Variants in CERS5 observed in about 807,000 individuals in gnomAD.
CERS5 encodes the protein ceramide synthase 5, also known as LAG1 homolog, ceramide synthase 5.
CERS5 carries 37 observed loss-of-function variants against 58.9 expected under a neutral mutation model. The observed-to-expected ratio is 0.63, with a 90% CI of 0.48 to 0.83. The LOEUF (loss-of-function observed/expected upper bound fraction) is 0.83, where lower values mean the gene tolerates loss of function less well. Ranked by LOEUF, CERS5 falls within the 40% of genes least tolerant of loss-of-function variation. CERS5 has a pLI of 0.00. For synonymous variants in CERS5, 147 were observed against 177.8 expected, an observed-to-expected ratio of 0.83 and a Z score of 1.38; for missense variants, 398 against 489.3, an observed-to-expected ratio of 0.81 and a Z score of 1.76.
intron 1 of CERS5, among the ~76,000 whole-genome samples, chr12:50,152,042 T>C (rs1157886568): frequency 6.6e-6 from 1 of 152,182 alleles, no homozygotes; most frequent in Non-Finnish European, 1.5e-5. Flanking sequence ...AAACATGGTG[T>C]TTCCTCAGGG....
At chr12:50,158,451 G>A (rs1421596640) in intron 1 of CERS5, among the ~76,000 whole-genome samples, 1 of 152,040 alleles carries the variant, frequency 6.6e-6, no homozygotes, top group East Asian at 1.9e-4. Flanking sequence ...ATCACATATA[G>A]TTTGATATGA....
chr12:50,138,641 G>A, intron 4 of CERS5, 24 bp from the exon 5 acceptor site: 1 of 1,604,290 alleles, frequency 6.2e-7, no homozygotes, highest in Admixed American at 1.7e-5. Flanking sequence ...GATAATCCAT[G>A]TCAGTCCTCA....
At chr12:50,139,725 A>T (rs1951864999) in intron 4 of CERS5, among the ~76,000 whole-genome samples, 1 of 152,010 alleles carries the variant, frequency 6.6e-6, no homozygotes, top group Non-Finnish European at 1.5e-5. Context: ...CCCAGGAGGC[A>T]GAGGTTGCAG....
At chr12:50,140,422 T>C (rs1261194639) in intron 4 of CERS5, among the ~76,000 whole-genome samples, 2 of 151,768 alleles carry the variant, frequency 1.3e-5, no homozygotes, top group African/African-American at 4.9e-5. Context: ...CAGTTGGGAT[T>C]ATAGGCACGT....
intron 1 of CERS5, among the ~76,000 whole-genome samples, chr12:50,146,644 G>C (rs2138128713): frequency 6.6e-6 from 1 of 152,224 alleles, no homozygotes; most frequent in Middle Eastern, 3.4e-3. Context: ...CGGATCACGA[G>C]GTCAGGAGAT....
intron 1 of CERS5, among the ~76,000 whole-genome samples, chr12:50,150,143 A>G (rs1412837444): frequency 6.6e-6 from 1 of 152,202 alleles, no homozygotes. Context: ...AGACATATAA[A>G]AAGAACAGGA....
At chr12:50,155,284 AC>A (rs1378425095) in intron 1 of CERS5, among the ~76,000 whole-genome samples, 1 of 152,192 alleles carries the variant, frequency 6.6e-6, no homozygotes, top group East Asian at 1.9e-4. Flanking sequence ...ATCCCTGAGA[AC>A]AAAAAGTTAC....
chr12:50,131,571 A>G (rs1341870305), intron 9 of CERS5, among the ~76,000 whole-genome samples: 1 of 124,926 alleles, frequency 8.0e-6, no homozygotes, highest in Non-Finnish European at 1.7e-5. Context: ...AAAAAAAAAA[A>G]AAAAAAGAAA....
chr12:50,164,100 C>T (rs889863066), intron 1 of CERS5, among the ~76,000 whole-genome samples: 1 of 151,690 alleles, frequency 6.6e-6, no homozygotes, highest in Non-Finnish European at 1.5e-5. Context: ...GCTGGGATTA[C>T]AGGCATGTAC....
intron 1 of CERS5, chr12:50,153,822 C>T (rs1041225456): frequency 1.2e-5 from 5 of 401,890 alleles, no homozygotes; most frequent in South Asian, 3.5e-5. Context: ...GGCGTGATGG[C>T]GCATACCCAT....
chr12:50,138,420 A>G, intron 5 of CERS5, 147 bp downstream of exon 5: 1 of 683,696 alleles, frequency 1.5e-6, no homozygotes, highest in Non-Finnish European at 2.6e-6. Flanking sequence ...AAAAATAGAT[A>G]CCCTGAATAT....
intron 1 of CERS5, among the ~76,000 whole-genome samples, chr12:50,153,589 T>C (rs961614385): frequency 1.3e-5 from 2 of 151,912 alleles, no homozygotes; most frequent in Non-Finnish European, 2.9e-5. Flanking sequence ...ATGTCACATA[T>C]TGACATGTGG....
rs149312950 is a variant in CERS5 at position 50,146,423 on chromosome 12, T to C, written c.198-2366A>G. On this transcript the variant is annotated intron_variant, in intron 1 of 9. Transcript: ENST00000317551. ...TCTGCTCACCTCGGTGAAGCCAATTTTAAAATTACTATTATCTGGATCATG... is the reference window on the plus strand; with the variant it reads ...TCTGCTCACCTCGGTGAAGCCAATTCTAAAATTACTATTATCTGGATCATG... 6.0e-4 allele frequency among the ~76,000 whole-genome samples: 92 copies of C among 152,290 alleles called. No individual in the cohort carries two copies. The East Asian group carries it at 0.014, about 24-fold the overall frequency.
chr12:50,144,956 A>G lies in CERS5; in HGVS notation c.198-899T>C, dbSNP rs1201457840. ...GGAGACCAGCCTGGTCAACATAGTG[A>G]AACCCCGTCTCTACTAAAAATACAA... On this transcript the variant is annotated intron_variant, in intron 1 of 9. Coordinates refer to ENST00000317551, the MANE Select transcript of CERS5 (RefSeq NM_147190.5). 4 of 377,930 alleles carry G rather than the reference A, an allele frequency of 1.1e-5. No homozygotes were observed. The Admixed American group carries it at 1.2e-4, about 11-fold the overall frequency. The allele number at this position is 377,930 out of a possible 1,614,324, so 23.4% of individuals were successfully genotyped here.
At chr12:50,156,345 A>G (rs1297901310) in intron 1 of CERS5, among the ~76,000 whole-genome samples, 2 of 147,312 alleles carry the variant, frequency 1.4e-5, no homozygotes, top group Non-Finnish European at 3.0e-5. Flanking sequence ...CAGAGCTTGC[A>G]GTGAGCCAAC....
intron 1 of CERS5, among the ~76,000 whole-genome samples, chr12:50,147,736 G>A (rs1952373853): frequency 1.3e-5 from 2 of 152,048 alleles, no homozygotes; most frequent in African/African-American, 4.8e-5. Context: ...ACAGTTTTTT[G>A]TTTTGGAAAA....
chr12:50,133,593 C>T (rs1951454212), intron 9 of CERS5: 1 of 985,094 alleles, frequency 1.0e-6, no homozygotes, highest in Non-Finnish European at 1.2e-6. Flanking sequence ...ATATGATTTC[C>T]TTTGAAAAGG....
rs1350865444 is a variant in CERS5, at chr12:50,167,339, T to A, written c.-42A>T. ...AGCCACCGCCGCCACAAGCGTCAGC[T>A]GCCGCCACAGCCAACGGAACCCGCG... On this transcript the variant is annotated 5_prime_UTR_variant, in exon 1 of 10. Coordinates refer to ENST00000317551, the MANE Select transcript of CERS5 (RefSeq NM_147190.5). The A allele has an allele frequency of 6.9e-7, 1 of 1,459,650 alleles. No homozygotes were observed. The highest frequency in any genetic ancestry group is 1.4e-5 in the South Asian group (1 of 71,190). The allele number at this position is 1,459,650 out of a possible 1,614,324, so 90.4% of individuals were successfully genotyped here.
intron 1 of CERS5, among the ~76,000 whole-genome samples, chr12:50,156,110 A>AT (rs1312771688): frequency 2.1e-5 from 3 of 143,512 alleles, no homozygotes; most frequent in Non-Finnish European, 1.5e-5. Flanking sequence ...AAAAAAAAAA[A>AT]AAAAAAAAAG....
Sources: allele counts gnomAD v4.1 joint callset (sites outside exome capture counted in the v4.1 genomes callset), GRCh38; gene constraint gnomAD v4.1.1; transcripts MANE v1.5; gene names NCBI Gene and HGNC (gene_info 2026-07-23, HGNC 2026-07-21).